IL4R: variants seen among roughly 807,000 people sequenced by gnomAD.
IL4R encodes interleukin-4 receptor subunit alpha.
A neutral mutation model predicts 41.5 loss-of-function variants in IL4R; 17 were observed. That is an observed-to-expected ratio of 0.41 (90% confidence interval 0.28 to 0.61). IL4R has a LOEUF of 0.61. Among genes scored for constraint, IL4R ranks in the 20% least tolerant of loss-of-function variants. The probability of loss-of-function intolerance (pLI) is 0.31; values close to 1 mark genes in which losing one functional copy is unlikely to be tolerated. For missense variants in IL4R, 974 were observed against 1,043.1 expected (o/e 0.93, Z 0.91); for synonymous variants, 402 against 422.9 (o/e 0.95, Z 0.61).
At chr16:27,331,563 A>T (rs964226564) in intron 2 of IL4R, among the ~76,000 whole-genome samples, 1 of 152,110 alleles carries the variant, frequency 6.6e-6, no homozygotes, top group African/African-American at 2.4e-5. Flanking sequence ...CTTTCCAGGT[A>T]AAGACTTTCT....
intron 8 of IL4R, among the ~76,000 whole-genome samples, chr16:27,358,701 C>T (rs568482870): frequency 6.6e-6 from 1 of 152,290 alleles, no homozygotes; most frequent in East Asian, 1.9e-4. Flanking sequence ...TGTCACTCCA[C>T]CTCCTTGGGC....
intron 1 of IL4R, among the ~76,000 whole-genome samples, chr16:27,316,633 C>A (rs558250498): frequency 3.0e-4 from 45 of 152,322 alleles, no homozygotes; most frequent in African/African-American, 1.1e-3. Flanking sequence ...CAATGTCCAA[C>A]ACCCAGTGGG....
At chr16:27,330,418 G>GAA (rs2085081692) in intron 2 of IL4R, among the ~76,000 whole-genome samples, 1 of 150,816 alleles carries the variant, frequency 6.6e-6, no homozygotes, top group African/African-American at 2.4e-5. Context: ...AAAAGAAAAA[G>GAA]AAATCACAGA....
chr16:27,317,608 T>C (rs1596737358), intron 1 of IL4R, among the ~76,000 whole-genome samples: 1 of 152,118 alleles, frequency 6.6e-6, no homozygotes, highest in Non-Finnish European at 1.5e-5. Flanking sequence ...TCAGACCGGG[T>C]GCATCACCAC....
In IL4R at chr16:27,362,741, G is replaced by A; in HGVS notation, c.1389G>A (p.Gln463=). The change falls in exon 11 of 11, where the codon CAG becomes CAA. Residue 463 remains glutamine (Q), a synonymous_variant. Coordinates refer to ENST00000395762, the MANE Select transcript of IL4R (RefSeq NM_000418.4). ...AGGCACCTCCCTGGGGCAAGGAGCA[G>A]CCTCTCCACCTGGAGCCAAGTCCTC... is the stretch of plus-strand genomic sequence containing the variant. ...PKEAPPWGKE[Q]PLHLEPSPPA... 6.2e-7 allele frequency: 1 copy of A among 1,614,084 alleles called. No individual in the cohort carries two copies.
At chr16:27,337,980 A>G (rs1296290624) in intron 2 of IL4R, among the ~76,000 whole-genome samples, 3 of 143,940 alleles carry the variant, frequency 2.1e-5, no homozygotes, top group Non-Finnish European at 4.5e-5. Context: ...TTTTTGAGAC[A>G]GAGTCTCACT....
At chr16:27,344,103 G>A (rs866673363) in intron 4 of IL4R, among the ~76,000 whole-genome samples, 6 of 151,920 alleles carry the variant, frequency 3.9e-5, no homozygotes, top group Non-Finnish European at 8.8e-5. Context: ...TCAGGAGTTC[G>A]AGACCGGCCT....
Position 27,363,276 on chromosome 16 carries a change from C to T in IL4R, c.1924C>T (p.Pro642Ser), listed in dbSNP as rs2086371099. 2 of 1,602,906 alleles carry T rather than the reference C, an allele frequency of 1.2e-6. No homozygotes were observed. Among genetic ancestry groups the T allele is most frequent in the South Asian group, 1.1e-5 (1 of 89,610 alleles). Residue 642 changes from proline to serine, a missense_variant, in exon 11 of 11, where the codon CCT becomes TCT. This residue lies in a region of IL4R where 682 missense variants were observed against 704.3 expected (regional missense o/e 0.97). Coordinates refer to ENST00000395762, the MANE Select transcript of IL4R (RefSeq NM_000418.4). ...TTTCCAAGACCTCATTCCTGGCTGCCCTGGGGACCCTGCCCCAGTCCCTGT... is the reference window on the plus strand; with the variant it reads ...TTTCCAAGACCTCATTCCTGGCTGCTCTGGGGACCCTGCCCCAGTCCCTGT... The part of the protein sequence containing the change: ...KPFQDLIPGC[P>S]GDPAPVPVPL...
chr16:27,348,431 T>C (rs1287887016), intron 6 of IL4R, among the ~76,000 whole-genome samples: 1 of 152,126 alleles, frequency 6.6e-6, no homozygotes, highest in Non-Finnish European at 1.5e-5. Flanking sequence ...ATTTAATATT[T>C]TCATATTTCT....
Position 27,345,264 on chromosome 16 carries a change from A to G in IL4R, c.361+244A>G, listed in dbSNP as rs1311920312. On this transcript the variant is annotated intron_variant, in intron 5 of 10. Coordinates refer to ENST00000395762, the MANE Select transcript of IL4R (RefSeq NM_000418.4). This position sits in a 1 kb window ranked among gnomAD's most constrained non-coding sequence, Gnocchi z 4.5. ...CCCAGCTGTTTCCACCCCTGAACTT[A>G]AGTGCCCAGGAAGGCGTATTGAGAT... 4.6e-6 allele frequency: 3 copies of G among 658,118 alleles called. No individual in the cohort carries two copies. The Admixed American group carries it at 6.2e-5, about 14-fold the overall frequency. The allele number at this position is 658,118 out of a possible 1,614,324, so 40.8% of individuals were successfully genotyped here.
intron 3 of IL4R, among the ~76,000 whole-genome samples, chr16:27,340,781 C>A (rs1245301053): frequency 1.3e-5 from 2 of 151,944 alleles, no homozygotes; most frequent in Non-Finnish European, 2.9e-5. Context: ...GTTGGGGAAG[C>A]TGGGTGGAGT....
intron 8 of IL4R, among the ~76,000 whole-genome samples, chr16:27,358,082 C>G (rs530810723): frequency 9.2e-5 from 14 of 151,760 alleles, no homozygotes; most frequent in Non-Finnish European, 1.6e-4. Flanking sequence ...TTAGTAGAGA[C>G]GGTGTTTCAC....
intron 4 of IL4R, among the ~76,000 whole-genome samples, chr16:27,344,320 AC>A (rs2141142199): frequency 6.8e-6 from 1 of 147,460 alleles, no homozygotes; most frequent in African/African-American, 2.5e-5. Context: ...AAAAACAAAA[AC>A]AAAAAACAAA....
intron 2 of IL4R, among the ~76,000 whole-genome samples, chr16:27,330,662 A>C (rs2085089815): frequency 6.6e-6 from 1 of 152,150 alleles, no homozygotes; most frequent in Non-Finnish European, 1.5e-5. Context: ...TATCATCACA[A>C]GGATGGCTCA....
chr16:27,336,676 CAAAAAAAAAAAA>C (rs67336687), intron 2 of IL4R, among the ~76,000 whole-genome samples: 12 of 68,320 alleles, frequency 1.8e-4, no homozygotes, highest in African/African-American at 5.4e-4. Flanking sequence ...AACTCTGTCT[CAAAAAAAAAAAA>C]AAAAAAAAGG....
chr16:27,326,853 G>C (rs2084968126), intron 1 of IL4R, among the ~76,000 whole-genome samples: 1 of 152,100 alleles, frequency 6.6e-6, no homozygotes, highest in Non-Finnish European at 1.5e-5. Flanking sequence ...GAGCCAACCA[G>C]GCAGATCCCG....
At chr16:27,339,133 G>A (rs2085355545) in intron 2 of IL4R, among the ~76,000 whole-genome samples, 1 of 152,202 alleles carries the variant, frequency 6.6e-6, no homozygotes, top group Non-Finnish European at 1.5e-5. Context: ...GGAAATACAG[G>A]TGTGAGCTAC....
intron 1 of IL4R, 75 bp downstream of exon 1, chr16:27,314,095 A>G: frequency 1.0e-6 from 1 of 984,308 alleles, no homozygotes; most frequent in Non-Finnish European, 1.2e-6. Context: ...GCGTTCGGGA[A>G]GGGCTCGGCC....
intron 1 of IL4R, among the ~76,000 whole-genome samples, chr16:27,314,524 T>A (rs2084574061): frequency 6.6e-6 from 1 of 152,216 alleles, no homozygotes; most frequent in Admixed American, 6.5e-5. Context: ...TGGGACTTGT[T>A]TTACTGAAAG....
Sources: gnomAD v4.1 joint callset for allele counts (sites outside exome capture counted in the v4.1 genomes callset) on GRCh38, gnomAD v4.1.1 for gene constraint, gnomAD v4.1.1 regional missense constraint, Gnocchi (gnomAD v3.1) non-coding constraint, MANE v1.5 for transcripts, NCBI Gene and HGNC (gene_info 2026-07-23, HGNC 2026-07-21) for gene names.